Variants in MYO1B observed in about 807,000 individuals in gnomAD.
MYO1B encodes the protein myosin IB.
In MYO1B, 72 loss-of-function variants were observed where a neutral mutation model predicts 159.7. The observed-to-expected ratio is 0.45, with a 90% CI of 0.37 to 0.55. The LOEUF (loss-of-function observed/expected upper bound fraction) is 0.55. Ranked by LOEUF, MYO1B falls within the 20% of genes least tolerant of loss-of-function variation. The pLI is 0.00. For synonymous variants in MYO1B, 468 were observed against 473.8 expected, an observed-to-expected ratio of 0.99 and a Z score of 0.16; for missense variants, 1,062 against 1,364.8, an observed-to-expected ratio of 0.78 and a Z score of 3.50.
intron 1 of MYO1B, among the ~76,000 whole-genome samples, chr2:191,276,117 G>A (rs1395719731): frequency 6.6e-6 from 1 of 152,146 alleles, no homozygotes; most frequent in African/African-American, 2.4e-5. Flanking sequence ...CTGTTATAGT[G>A]GCATGTCTGT....
At chr2:191,303,477 T>G (rs1005563627) in intron 3 of MYO1B, among the ~76,000 whole-genome samples, 2 of 152,246 alleles carry the variant, frequency 1.3e-5, no homozygotes, top group African/African-American at 4.8e-5. Flanking sequence ...ATTCTTTTTA[T>G]TTATTACTGT....
chr2:191,409,020 GT>G (rs1184718625), intron 25 of MYO1B, 23 bp from the exon 26 acceptor site: 1 of 1,593,498 alleles, frequency 6.3e-7, no homozygotes, highest in Non-Finnish European at 8.5e-7. Flanking sequence ...TCCTCATGTA[GT>G]ATTTTCTGTC....
intron 6 of MYO1B, among the ~76,000 whole-genome samples, chr2:191,347,453 T>C (rs535792569): frequency 6.6e-6 from 1 of 152,376 alleles, no homozygotes; most frequent in South Asian, 2.1e-4. Context: ...CTTTATGTGA[T>C]AGAGATTTTA....
At chr2:191,262,419 C>G (rs1232459390) in intron 1 of MYO1B, among the ~76,000 whole-genome samples, 1 of 152,174 alleles carries the variant, frequency 6.6e-6, no homozygotes, top group African/African-American at 2.4e-5. Flanking sequence ...GCTTAAGCCT[C>G]CTTTAAATTT....
chr2:191,317,059 C>T (rs181160009), intron 3 of MYO1B, among the ~76,000 whole-genome samples: 104 of 152,196 alleles, frequency 6.8e-4, no homozygotes, highest in Admixed American at 1.6e-3. Context: ...ATTTGATTTG[C>T]GGAGGCCGAA....
intron 21 of MYO1B, among the ~76,000 whole-genome samples, chr2:191,396,916 T>G (rs1163774443): frequency 6.6e-6 from 1 of 151,956 alleles, no homozygotes; most frequent in African/African-American, 2.4e-5. Context: ...GATCCTGAGA[T>G]CTGGCCAGGT....
At chr2:191,342,216 T>A (rs1380826274) in intron 5 of MYO1B, among the ~76,000 whole-genome samples, 2 of 152,172 alleles carry the variant, frequency 1.3e-5, no homozygotes, top group African/African-American at 2.4e-5. Flanking sequence ...CACTTGACCT[T>A]TTCACTGTGC....
At chr2:191,396,601 C>T (rs929608743) in intron 21 of MYO1B, 104 bp downstream of exon 21, 2 of 1,050,812 alleles carry the variant, frequency 1.9e-6, no homozygotes. Flanking sequence ...CCTCTGTCTC[C>T]TGCCTCGCCT....
chr2:191,386,313 A>G (rs1430104170), intron 16 of MYO1B, among the ~76,000 whole-genome samples: 1 of 152,238 alleles, frequency 6.6e-6, no homozygotes, highest in Non-Finnish European at 1.5e-5. Flanking sequence ...TGAAGAGTCT[A>G]AATATATTTT....
Position 191,363,717 on chromosome 2 carries a change from T to TC in MYO1B, c.766-10dup. 2.5e-6 allele frequency: 4 copies of TC among 1,572,190 alleles called. 1 individual carries two copies. The highest frequency in any genetic ancestry group is 8.6e-7 in the Non-Finnish European group (1 of 1,167,682). ...AGAAAAAAATAGTTGCTTTTTTTTT[T>TC]CTCTCCCCAGAATGCCATGCAGATT... On this transcript the variant is annotated splice_polypyrimidine_tract_variant and intron_variant, in intron 9 of 30. Transcript: ENST00000392318.
intron 1 of MYO1B, among the ~76,000 whole-genome samples, chr2:191,261,464 G>A (rs4853568): frequency 0.53 from 80,312 of 152,064 alleles, 25,316 homozygotes; most frequent in Non-Finnish European, 0.68. Context: ...CTCGATAATC[G>A]TACTGGCTCA....
chr2:191,318,619 C>A (rs953211164), intron 3 of MYO1B, among the ~76,000 whole-genome samples: 1 of 152,172 alleles, frequency 6.6e-6, no homozygotes, highest in Non-Finnish European at 1.5e-5. Flanking sequence ...CCTGCAGATA[C>A]GTAGTAATAA....
chr2:191,264,960 C>T (rs1388639365), intron 1 of MYO1B, among the ~76,000 whole-genome samples: 1 of 151,980 alleles, frequency 6.6e-6, no homozygotes, highest in Non-Finnish European at 1.5e-5. Flanking sequence ...CCCAGTGTCT[C>T]ACTGTGAGCT....
At chr2:191,401,906 C>T (rs910777563) in intron 23 of MYO1B, 2 of 152,296 alleles carry the variant, frequency 1.3e-5, no homozygotes, top group African/African-American at 4.8e-5. Context: ...CTTGAACAAT[C>T]AGTGCCTATT....
intron 16 of MYO1B, 30 bp from the exon 17 acceptor site, chr2:191,387,194 C>T: frequency 6.3e-7 from 1 of 1,587,550 alleles, no homozygotes; most frequent in South Asian, 1.1e-5. Context: ...TGCAATGTGC[C>T]TGTCATTGAG....
intron 24 of MYO1B, among the ~76,000 whole-genome samples, chr2:191,404,532 G>T (rs1454715148): frequency 3.3e-5 from 5 of 152,070 alleles, no homozygotes; most frequent in African/African-American, 1.2e-4. Flanking sequence ...AATGTTTGTG[G>T]ATCTGACAGC....
chr2:191,348,831 T>G (rs1692734455), intron 6 of MYO1B, among the ~76,000 whole-genome samples: 2 of 152,212 alleles, frequency 1.3e-5, no homozygotes. Flanking sequence ...CATCCTTGTT[T>G]AGGAGCCTTT....
intron 1 of MYO1B, among the ~76,000 whole-genome samples, chr2:191,270,800 A>G (rs536067225): frequency 1.3e-5 from 2 of 152,318 alleles, no homozygotes; most frequent in South Asian, 4.1e-4. Flanking sequence ...TATTCTTAAA[A>G]GCATTAGTGA....
At chr2:191,288,945 G>A (rs773361486) in intron 2 of MYO1B, among the ~76,000 whole-genome samples, 1 of 152,146 alleles carries the variant, frequency 6.6e-6, no homozygotes, top group Non-Finnish European at 1.5e-5. Flanking sequence ...TACCTTCTCT[G>A]ATATTTCTTT....
Sources: allele counts gnomAD v4.1 joint callset (sites outside exome capture counted in the v4.1 genomes callset), GRCh38; gene constraint gnomAD v4.1.1; transcripts MANE v1.5; gene names NCBI Gene and HGNC (gene_info 2026-07-23, HGNC 2026-07-21).